Variants in TMEM145 observed in about 807,000 individuals in gnomAD.
TMEM145 encodes transmembrane protein 145.
A neutral mutation model predicts 68.5 loss-of-function variants in TMEM145; 46 were observed. The ratio of observed to expected loss-of-function variants is 0.67; its 90% confidence interval spans 0.53 to 0.86. The LOEUF is 0.86. Among genes scored for constraint, TMEM145 ranks in the 40% least tolerant of loss-of-function variants. The probability of loss-of-function intolerance (pLI) is 0.00; values close to 1 mark genes in which losing one functional copy is unlikely to be tolerated. For synonymous variants in TMEM145, 255 were observed against 280.2 expected (o/e 0.91, Z 0.90); for missense variants, 570 against 645.8 (o/e 0.88, Z 1.27).
In TMEM145 at chr19:42,323,643, A is replaced by G. The variant is rs2038932432; in HGVS notation, c.1255A>G (p.Ile419Val). The G allele has an allele frequency of 6.2e-7, 1 of 1,614,042 alleles. No individual in the cohort carries two copies. Among genetic ancestry groups the G allele is most frequent in the Admixed American group, 1.7e-5 (1 of 60,000 alleles). ...NFPYHVRTSQ[I>V]ASAGVPGPGG... ...CCCGTACCACGTGCGCACGTCGCAG[A>G]TCGCTTCAGCCGGAGTCCCTGGACC... Residue 419 changes from isoleucine to valine, a missense_variant, in exon 14 of 15, where the codon ATC becomes GTC. Physicochemically the swap from Ile to Val is conservative, Grantham distance 29 (BLOSUM62 3). Transcript: ENST00000301204.
rs527465607 is a variant in TMEM145 at position 42,315,387 on chromosome 19, G to A, written c.593G>A (p.Arg198His). ...TGCTTCCTAGATTTGCTGAAAGGTC[G>A]TCAGTTGCTCCACACAACTTATAAA... is the stretch of plus-strand genomic sequence containing the variant. ...SCYFGYLLKG[R>H]QLLHTTYKMF... Residue 198 changes from arginine (R) to histidine (H), a missense_variant, in exon 8 of 15, where the codon CGT (arginine) becomes CAT (histidine). Arg to His is a conservative substitution (Grantham distance 29, BLOSUM62 0). Coordinates refer to ENST00000301204, the MANE Select transcript of TMEM145 (RefSeq NM_173633.3). 48 of 1,614,058 alleles carry A rather than the reference G, an allele frequency of 3.0e-5. No homozygotes were observed. Among genetic ancestry groups the A allele is most frequent in the Middle Eastern group, 1.6e-4 (1 of 6,082 alleles).
At chr19:42,314,060 A>G (rs1448680175) in intron 1 of TMEM145, among the ~76,000 whole-genome samples, 1 of 151,520 alleles carries the variant, frequency 6.6e-6, no homozygotes, top group Non-Finnish European at 1.5e-5. Context: ...GAGGGGAGGA[A>G]ACTTGGGGGG....
At chr19:42,315,884 G>T (rs1349598562) in intron 8 of TMEM145, among the ~76,000 whole-genome samples, 15 of 152,276 alleles carry the variant, frequency 9.9e-5, no homozygotes, top group Non-Finnish European at 2.2e-4. Context: ...ACAAAAATTA[G>T]CTGGACATGG....
chr19:42,319,194 G>C (rs1438746688), intron 12 of TMEM145, among the ~76,000 whole-genome samples: 1 of 152,326 alleles, frequency 6.6e-6, no homozygotes, highest in East Asian at 1.9e-4. Flanking sequence ...TTCTGAGCCA[G>C]ACTGTCCGGG....
At chr19:42,317,620 T>G in intron 11 of TMEM145, 89 bp from the exon 12 acceptor site, 1 of 1,318,570 alleles carries the variant, frequency 7.6e-7, no homozygotes, top group Non-Finnish European at 1.1e-6. Context: ...ACCGAGTACC[T>G]CTGTTCCCAA....
In TMEM145 at chr19:42,316,574, C is replaced by G. The variant is rs1175553250; in HGVS notation, c.727+13C>G. 2 of 1,613,974 alleles carry G rather than the reference C, an allele frequency of 1.2e-6. No individual in the cohort carries two copies. Among genetic ancestry groups the G allele is most frequent in the Non-Finnish European group, 8.5e-7 (1 of 1,179,956 alleles). ...GTGAAGATCTTGGGTGAGAATGAAG[C>G]TGGGTGGGGAGAGGGTGGAGCCCAG... On this transcript the variant is annotated intron_variant, in intron 9 of 14. Transcript: ENST00000301204.
chr19:42,316,849 C>T (rs772888866), intron 10 of TMEM145, 21 bp from the exon 11 acceptor site: 7 of 1,612,638 alleles, frequency 4.3e-6, no homozygotes, highest in Non-Finnish European at 5.9e-6. Context: ...CCTGCTGTCT[C>T]CCCTCATGGC....
chr19:42,321,386 GTTT>G (rs751803295), intron 13 of TMEM145: 780 of 159,394 alleles, frequency 4.9e-3, no homozygotes, highest in Middle Eastern at 9.9e-3. Context: ...CGGTTAAGTG[GTTT>G]TTTTTTTTTT....
chr19:42,323,645 C>T lies in TMEM145; in HGVS notation c.1257C>T (p.Ile419=), dbSNP rs370845520. The change falls in exon 14 of 15, where the codon ATC becomes ATT. Residue 419 remains isoleucine (I), a synonymous_variant. Coordinates refer to ENST00000301204, the MANE Select transcript of TMEM145 (RefSeq NM_173633.3). The stretch of plus-strand genomic sequence containing the variant: ...CGTACCACGTGCGCACGTCGCAGAT[C>T]GCTTCAGCCGGAGTCCCTGGACCCG... ...NFPYHVRTSQ[I]ASAGVPGPGG... 3.7e-6 allele frequency: 6 copies of T among 1,614,094 alleles called. No homozygotes were observed. Among genetic ancestry groups the T allele is most frequent in the African/African-American group, 1.3e-5 (1 of 74,948 alleles).
chr19:42,324,026 C>T (rs896587487), intron 14 of TMEM145, among the ~76,000 whole-genome samples: 1 of 151,996 alleles, frequency 6.6e-6, no homozygotes, highest in Non-Finnish European at 1.5e-5. Flanking sequence ...GCGCCGTGCC[C>T]CCACCGCCCG....
chr19:42,321,200 C>T (rs766144600), intron 13 of TMEM145: 34 of 397,626 alleles, frequency 8.6e-5, no homozygotes, highest in Non-Finnish European at 1.3e-4. Flanking sequence ...GCTCCTGGGT[C>T]GGCAACAGGA....
In TMEM145 at chr19:42,320,320, C is replaced by G. The variant is rs1599986082; in HGVS notation, c.1077C>G (p.Phe359Leu). 1 of 1,614,016 alleles carries G rather than the reference C, an allele frequency of 6.2e-7. No homozygotes were observed. The highest frequency in any genetic ancestry group is 2.2e-5 in the East Asian group (1 of 44,890). ...VPFFAAYTLWFFAVPVMALIA... is the reference protein window; with the variant it reads ...VPFFAAYTLWLFAVPVMALIA... ...TGACCCAATACTTCCCCTTCAGGTTCTTTGCGGTTCCTGTCATGGCCCTGA... is the reference window on the plus strand; with the variant it reads ...TGACCCAATACTTCCCCTTCAGGTTGTTTGCGGTTCCTGTCATGGCCCTGA... The change falls in exon 13 of 15, where the codon TTC becomes TTG. Residue 359 changes from phenylalanine (F) to leucine (L), a missense_variant. Physicochemically the swap from Phe to Leu is conservative, Grantham distance 22. Coordinates refer to ENST00000301204, the MANE Select transcript of TMEM145 (RefSeq NM_173633.3).
At position 42,314,688 on chromosome 19, in the gene TMEM145, T is replaced by G; in HGVS notation, c.349T>G (p.Ser117Ala). 1 of 1,614,186 alleles carries G rather than the reference T, an allele frequency of 6.2e-7. No homozygotes were observed. Among genetic ancestry groups the G allele is most frequent in the South Asian group, 1.1e-5 (1 of 91,084 alleles). ...CAACCTCACCACCCAGTATGCCTGGTCCGGCTGTCAGGTGCAGGCTCAGCC... is the reference window on the plus strand; with the variant it reads ...CAACCTCACCACCCAGTATGCCTGGGCCGGCTGTCAGGTGCAGGCTCAGCC... ...VINLTTQYAW[S>A]GCQVVSEEGT... is the part of the protein sequence containing the mutation. The change falls in exon 4 of 15, where the codon TCC (serine) becomes GCC (alanine). Residue 117 changes from serine (S) to alanine (A), a missense_variant. Transcript: ENST00000301204.
chr19:42,317,956 G>C, intron 12 of TMEM145, 75 bp downstream of exon 12: 1 of 1,531,086 alleles, frequency 6.5e-7, no homozygotes, highest in South Asian at 1.1e-5. Flanking sequence ...CCCCATCTCA[G>C]ACCCTCCATA....
intron 13 of TMEM145, chr19:42,321,615 T>C (rs544115627): frequency 6.6e-6 from 1 of 152,172 alleles, no homozygotes; most frequent in East Asian, 1.9e-4. Context: ...ATGGTCTCGA[T>C]CTCCTGACCT....
At chr19:42,323,562 T>C in intron 13 of TMEM145, 21 bp from the exon 14 acceptor site, 2 of 1,612,618 alleles carry the variant, frequency 1.2e-6, no homozygotes, top group Non-Finnish European at 8.5e-7. Context: ...CTCTCACACC[T>C]GCTCCTGGCC....
Position 42,323,563 on chromosome 19 carries a change from G to A in TMEM145, c.1195-20G>A. ...CGGCCTGACAGTGCCTCTCACACCTGCTCCTGGCCCTGGCCTCAGATCATG... is the reference window on the plus strand; with the variant it reads ...CGGCCTGACAGTGCCTCTCACACCTACTCCTGGCCCTGGCCTCAGATCATG... On this transcript the variant is annotated intron_variant, in intron 13 of 14. Coordinates refer to ENST00000301204, the MANE Select transcript of TMEM145 (RefSeq NM_173633.3). 2 of 1,612,590 alleles carry A rather than the reference G, an allele frequency of 1.2e-6. No homozygotes were observed. Among genetic ancestry groups the A allele is most frequent in the African/African-American group, 1.3e-5 (1 of 75,032 alleles).
chr19:42,314,497 A>C lies in TMEM145; in HGVS notation c.242A>C (p.Gln81Pro). The change falls in exon 3 of 15, where the codon CAG (glutamine) becomes CCG (proline). Residue 81 changes from glutamine to proline, a missense_variant. By Grantham distance (76) the Gln-to-Pro change is moderately conservative. Transcript: ENST00000301204. Reference sequence around the variant, plus strand: ...CTCCTCTATTTTGATGACCCATCCCAGTGGCCAGCCGTGTACAAGGCAGGG... The same window carrying C: ...CTCCTCTATTTTGATGACCCATCCCCGTGGCCAGCCGTGTACAAGGCAGGG... ...NILLYFDDPS[Q>P]WPAVYKAGDK... The C allele has an allele frequency of 6.2e-7, 1 of 1,614,146 alleles. No individual in the cohort carries two copies. Among genetic ancestry groups the C allele is most frequent in the Non-Finnish European group, 8.5e-7 (1 of 1,180,028 alleles).
At chr19:42,317,023 C>T in intron 11 of TMEM145, 60 bp downstream of exon 11, 1 of 1,455,208 alleles carries the variant, frequency 6.9e-7, no homozygotes, top group Non-Finnish European at 9.5e-7. Flanking sequence ...GCCGCCTCCC[C>T]CTTGACCTGT....
Sources: allele counts gnomAD v4.1 joint callset (sites outside exome capture counted in the v4.1 genomes callset), GRCh38; gene constraint gnomAD v4.1.1; transcripts MANE v1.5; gene names NCBI Gene and HGNC (gene_info 2026-07-23, HGNC 2026-07-21).